The following SLC5A4 variants were observed in gnomAD, a reference collection of about 807,000 sequenced individuals.
SLC5A4 encodes probable glucose sensor protein SLC5A4.
In SLC5A4, 55 loss-of-function variants were observed where a neutral mutation model predicts 70.3. That is an observed-to-expected ratio of 0.78 (90% confidence interval 0.63 to 0.98). SLC5A4 has a LOEUF of 0.98. SLC5A4 is among the 50% of genes least tolerant of loss of function. The pLI, the probability that SLC5A4 is intolerant of heterozygous loss-of-function variation, is 0.00. For missense variants in SLC5A4, 735 were observed against 839.2 expected, an observed-to-expected ratio of 0.88 and a Z score of 1.53; for synonymous variants, 268 against 305.7, an observed-to-expected ratio of 0.88 and a Z score of 1.29.
chr22:32,234,734 G>T, intron 8 of SLC5A4, 139 bp downstream of exon 8: 1 of 717,400 alleles, frequency 1.4e-6, no homozygotes. Flanking sequence ...ACAGAGAAGG[G>T]TTTGACTCTT....
At chr22:32,331,790 G>A in the SLC5A4 span, among the ~76,000 whole-genome samples, 1,048 of 152,126 alleles carry the variant, frequency 6.9e-3, 8 homozygotes, top group Admixed American at 0.011. Flanking sequence ...CATGCCCCTC[G>A]GCTGCCCTGA....
upstream of SLC5A4, chr22:32,255,359 G>A (rs540609977): frequency 6.2e-6 from 10 of 1,605,852 alleles, no homozygotes; most frequent in East Asian, 6.7e-5. Context: ...CCCATTCCAC[G>A]CATGAGCCAT....
the SLC5A4 span, among the ~76,000 whole-genome samples, chr22:32,281,428 G>A: frequency 2.6e-5 from 4 of 152,208 alleles, no homozygotes; most frequent in Non-Finnish European, 5.9e-5. Context: ...CAAAGCCCGG[G>A]CTTCACCAGG....
chr22:32,331,926 T>C, the SLC5A4 span, among the ~76,000 whole-genome samples: 2 of 152,174 alleles, frequency 1.3e-5, no homozygotes, highest in African/African-American at 4.8e-5. Flanking sequence ...TCCATGCTGC[T>C]GAGCCCAAAG....
the SLC5A4 span, among the ~76,000 whole-genome samples, chr22:32,320,368 A>G: frequency 6.6e-6 from 1 of 152,208 alleles, no homozygotes; most frequent in African/African-American, 2.4e-5. Context: ...CGTAACGATT[A>G]TCCTACAGAC....
At chr22:32,308,651 TTC>T in the SLC5A4 span, among the ~76,000 whole-genome samples, 2 of 152,198 alleles carry the variant, frequency 1.3e-5, no homozygotes, top group Non-Finnish European at 2.9e-5. Context: ...ATTTGAATCT[TTC>T]TGATGATGAG....
the SLC5A4 span, among the ~76,000 whole-genome samples, chr22:32,339,742 A>C: frequency 2.0e-5 from 3 of 152,154 alleles, no homozygotes; most frequent in Non-Finnish European, 4.4e-5. Context: ...ATGCACCCCA[A>C]CAAAGACTGG....
chr22:32,354,060 G>A, the SLC5A4 span, among the ~76,000 whole-genome samples: 11 of 134,228 alleles, frequency 8.2e-5, no homozygotes, highest in Admixed American at 8.3e-4. Context: ...CCGCCCCGCC[G>A]GAACCAATGT....
chr22:32,238,079 T>A (rs962614572), intron 6 of SLC5A4, among the ~76,000 whole-genome samples: 3 of 152,124 alleles, frequency 2.0e-5, no homozygotes, highest in African/African-American at 7.2e-5. Flanking sequence ...TAACAGGAAC[T>A]GTTGGAAGAC....
chr22:32,278,453 T>C, the SLC5A4 span, among the ~76,000 whole-genome samples: 1 of 152,238 alleles, frequency 6.6e-6, no homozygotes, highest in Non-Finnish European at 1.5e-5. Context: ...ATAGAATATA[T>C]CCCTGTCTTT....
At chr22:32,223,059 T>C in intron 13 of SLC5A4, among the ~76,000 whole-genome samples, 1 of 152,182 alleles carries the variant, frequency 6.6e-6, no homozygotes. Flanking sequence ...TACATTATTA[T>C]ATTATTCTGC....
the SLC5A4 span, among the ~76,000 whole-genome samples, chr22:32,314,537 TA>T: frequency 1.3e-5 from 2 of 152,182 alleles, no homozygotes; most frequent in Non-Finnish European, 2.9e-5. Context: ...GACCCCTTCT[TA>T]AAAAAATTAA....
At chr22:32,338,155 G>A in the SLC5A4 span, among the ~76,000 whole-genome samples, 1 of 152,158 alleles carries the variant, frequency 6.6e-6, no homozygotes, top group Non-Finnish European at 1.5e-5. Context: ...TTTCAAGTCA[G>A]TTAAAAATGT....
chr22:32,248,163 G>A (rs1926938778), intron 4 of SLC5A4, among the ~76,000 whole-genome samples: 1 of 152,302 alleles, frequency 6.6e-6, no homozygotes, highest in African/African-American at 2.4e-5. Context: ...CAGGGACCCA[G>A]GTTTCATGAT....
intron 5 of SLC5A4, among the ~76,000 whole-genome samples, chr22:32,239,684 C>A (rs1169035337): frequency 7.2e-6 from 1 of 138,878 alleles, no homozygotes; most frequent in East Asian, 2.2e-4. Context: ...TTATTAAGGG[C>A]AAAACCACAA....
chr22:32,316,736 C>T, the SLC5A4 span, among the ~76,000 whole-genome samples: 3 of 151,668 alleles, frequency 2.0e-5, no homozygotes, highest in African/African-American at 7.3e-5. Flanking sequence ...TGAGATTTCA[C>T]CATGTTGGCC....
At chr22:32,272,694 G>A in the SLC5A4 span, 1 of 534,484 alleles carries the variant, frequency 1.9e-6, no homozygotes, top group African/African-American at 1.9e-5. Flanking sequence ...GCTGCGCTGG[G>A]CAGACTTCCA....
At chr22:32,260,826 A>G in the SLC5A4 span, among the ~76,000 whole-genome samples, 1 of 152,210 alleles carries the variant, frequency 6.6e-6, no homozygotes, top group African/African-American at 2.4e-5. Context: ...TAATCCCAAC[A>G]CTTTGGGAGG....
the SLC5A4 span, among the ~76,000 whole-genome samples, chr22:32,305,691 G>GA: frequency 7.7e-6 from 1 of 130,210 alleles, no homozygotes; most frequent in African/African-American, 3.0e-5. Context: ...GTCCCAGTGT[G>GA]AGGGACGGTG....
Sources: allele counts gnomAD v4.1 joint callset (sites outside exome capture counted in the v4.1 genomes callset), GRCh38; gene constraint gnomAD v4.1.1; transcripts MANE v1.5; gene names NCBI Gene and HGNC (gene_info 2026-07-23, HGNC 2026-07-21).